RAF1: variants seen among roughly 807,000 people sequenced by gnomAD.
RAF1 encodes the protein Raf-1 proto-oncogene, serine/threonine kinase, also known as RAF proto-oncogene serine/threonine-protein kinase.
RAF1 carries 27 observed loss-of-function variants against 81.1 expected under a neutral mutation model. The ratio of observed to expected loss-of-function variants is 0.33; its 90% CI spans 0.25 to 0.46. The LOEUF is 0.46. RAF1 is among the 20% of genes least tolerant of loss of function. RAF1 has a pLI of 1.00. For missense variants in RAF1, 598 were observed against 826.0 expected (o/e 0.72, Z 3.38); for synonymous variants, 298 against 294.0 (o/e 1.01, Z -0.14).
At chr3:12,585,089 G>A (rs765872629) in intron 16 of RAF1, 33 bp downstream of exon 15, 11 of 1,614,102 alleles carry the variant, frequency 6.8e-6, no homozygotes, top group East Asian at 6.7e-5. Flanking sequence ...GGGCTCCCAC[G>A]AGTTGGGTCC....
rs571957943 is a variant in RAF1 at position 12,626,327 on chromosome 3, C to G, written c.-26-7580G>C. On this transcript the variant is annotated intron_variant, in intron 1 of 17. Coordinates refer to ENST00000442415, the MANE Select transcript of RAF1 (RefSeq NM_001354689.3). ...ATGGGCTGGGCACCGTGGCTCTCAC[C>G]TGCAAATCCCAGGACTCTGGAAGGC... Among the ~76,000 whole-genome samples the G allele has an allele frequency of 2.6e-5, 4 of 151,268 alleles. No homozygotes were observed. The South Asian group carries it at 8.4e-4, about 32-fold the overall frequency.
At chr3:12,655,237 C>G (rs1159947714) in intron 1 of RAF1, among the ~76,000 whole-genome samples, 1 of 152,142 alleles carries the variant, frequency 6.6e-6, no homozygotes, top group African/African-American at 2.4e-5. Flanking sequence ...CATGCGCCAA[C>G]AAGCCCAGCG....
intron 1 of RAF1, among the ~76,000 whole-genome samples, chr3:12,655,552 A>T (rs554925442): frequency 2.0e-4 from 31 of 152,320 alleles, no homozygotes; most frequent in Non-Finnish European, 3.7e-4. Flanking sequence ...TTACCATATG[A>T]TCCAGTAATT....
At chr3:12,653,082 G>C (rs911520378) in intron 1 of RAF1, among the ~76,000 whole-genome samples, 2 of 152,110 alleles carry the variant, frequency 1.3e-5, no homozygotes, top group Non-Finnish European at 1.5e-5. Flanking sequence ...AGGAGTTTGA[G>C]ACCACCCTGG....
At chr3:12,588,425 G>A (rs1014358829) in intron 13 of RAF1, 2 of 152,174 alleles carry the variant, frequency 1.3e-5, no homozygotes, top group Non-Finnish European at 2.9e-5. Context: ...CACAAACCAA[G>A]AAGGTACAGC....
At chr3:12,628,812 T>A (rs1178372157) in intron 1 of RAF1, among the ~76,000 whole-genome samples, 1 of 146,090 alleles carries the variant, frequency 6.8e-6, no homozygotes, top group Non-Finnish European at 1.5e-5. Context: ...AGGGCAGTGG[T>A]GCAATCTTGG....
In RAF1 at chr3:12,583,710, A is replaced by G. The variant is rs2058214664; in HGVS notation, c.*804T>C. 4.3e-6 allele frequency: 1 copy of G among 233,462 alleles called. No individual in the cohort carries two copies. The highest frequency in any genetic ancestry group is 8.5e-6 in the Non-Finnish European group (1 of 118,036). 14.5% of individuals were successfully genotyped at this position (233,462 alleles called of 1,614,324 possible). A position where few individuals can be genotyped will look rare whatever the true frequency, so the allele number is the denominator to read the frequency against. ...CAAAATTAAAACCCAAATCATCAAG[A>G]AAACCTGTATTCCTGGCTTCCTTGT... On this transcript the variant is annotated 3_prime_UTR_variant, in exon 18 of 18. Coordinates refer to ENST00000442415, the MANE Select transcript of RAF1 (RefSeq NM_001354689.3).
At chr3:12,584,710 T>A (rs1326636382) in intron 17 of RAF1, 53 bp from the exon 17 acceptor site, 1 of 1,613,524 alleles carries the variant, frequency 6.2e-7, no homozygotes, top group African/African-American at 1.3e-5. Context: ...AGACACAGGA[T>A]GTACCCTGCC....
chr3:12,639,372 A>G (rs2060119906), intron 1 of RAF1, among the ~76,000 whole-genome samples: 1 of 152,136 alleles, frequency 6.6e-6, no homozygotes, highest in Non-Finnish European at 1.5e-5. Context: ...TTCTGGCCAG[A>G]GCAATCAGGC....
rs150460686 is a variant in RAF1 at position 12,584,110 on chromosome 3, C to T, written c.*404G>A. The T allele has an allele frequency of 3.8e-4, 124 of 327,868 alleles. No individual in the cohort carries two copies. In the East Asian group the frequency reaches 5.1e-3, roughly 14 times the overall value. 20.3% of individuals were successfully genotyped at this position (327,868 alleles called of 1,614,324 possible). A position where few individuals can be genotyped will look rare whatever the true frequency, so the allele number is the denominator to read the frequency against. On this transcript the variant is annotated 3_prime_UTR_variant, in exon 18 of 18. Coordinates refer to ENST00000442415, the MANE Select transcript of RAF1 (RefSeq NM_001354689.3). ...GTCCCGCCTGTGACATGCATTCCTC[C>T]AGAAGCTGATTTCCAAAATCCCATG...
intron 12 of RAF1, among the ~76,000 whole-genome samples, 195 bp downstream of exon 11, chr3:12,591,513 G>A (rs555720269): frequency 3.3e-5 from 5 of 152,258 alleles, no homozygotes; most frequent in African/African-American, 7.2e-5. Context: ...GGGGCTCTTC[G>A]AAAGGCTTGA....
intron 11 of RAF1, among the ~76,000 whole-genome samples, chr3:12,596,176 T>G (rs2442809): frequency 0.6 from 87,700 of 146,562 alleles, 27,009 homozygotes; most frequent in African/African-American, 0.72. Context: ...ACCTGGCCTA[T>G]AGAAAGAATT....
intron 11 of RAF1, among the ~76,000 whole-genome samples, chr3:12,596,922 G>A (rs1451449658): frequency 4.7e-5 from 7 of 148,486 alleles, no homozygotes; most frequent in South Asian, 4.2e-4. Context: ...TTTTTGAGAC[G>A]GAGTCTCGCT....
Position 12,584,992 on chromosome 3 carries a change from G to A in RAF1, c.1729-11C>T, listed in dbSNP as rs1351924314. On this transcript the variant is annotated splice_polypyrimidine_tract_variant and intron_variant, in intron 16 of 17. Coordinates refer to ENST00000442415, the MANE Select transcript of RAF1 (RefSeq NM_001354689.3). ...CACCATGAAGATGATCTAAGGGAAA[G>A]AAAACAGCTGAGCTAATGGGGGGTG... The A allele has an allele frequency of 3.7e-6, 6 of 1,614,022 alleles. No homozygotes were observed. The African/African-American group carries it at 4.0e-5, about 11-fold the overall frequency.
At chr3:12,617,589 G>T (rs900509292) in intron 2 of RAF1, among the ~76,000 whole-genome samples, 3 of 151,954 alleles carry the variant, frequency 2.0e-5, no homozygotes, top group Admixed American at 6.6e-5. Context: ...TAGAAAAATT[G>T]AAGTTTTGTT....
intron 1 of RAF1, among the ~76,000 whole-genome samples, chr3:12,640,580 A>C (rs192862068): frequency 0.017 from 2,662 of 152,326 alleles, 75 homozygotes; most frequent in African/African-American, 0.06. Flanking sequence ...GACACTTCTC[A>C]AAAGACATTC....
At chr3:12,622,683 T>C (rs1381085019) in intron 1 of RAF1, among the ~76,000 whole-genome samples, 1 of 152,216 alleles carries the variant, frequency 6.6e-6, no homozygotes, top group Non-Finnish European at 1.5e-5. Flanking sequence ...ACCTTCCTTC[T>C]GCTCCATAAG....
chr3:12,627,633 GTAGGTT>G (rs2059743627), intron 1 of RAF1, among the ~76,000 whole-genome samples: 1 of 152,106 alleles, frequency 6.6e-6, no homozygotes, highest in Non-Finnish European at 1.5e-5. Context: ...TCTGAGGGTG[GTAGGTT>G]CCCTAGGTTC....
chr3:12,632,342 G>A (rs1340929787), intron 1 of RAF1, among the ~76,000 whole-genome samples: 3 of 102,816 alleles, frequency 2.9e-5, no homozygotes, highest in Non-Finnish European at 2.0e-5. Flanking sequence ...AAAAAAAAAA[G>A]AGTAGGCTTG....
Sources: allele counts gnomAD v4.1 joint callset (sites outside exome capture counted in the v4.1 genomes callset), GRCh38; gene constraint gnomAD v4.1.1; transcripts MANE v1.5; gene names NCBI Gene and HGNC (gene_info 2026-07-23, HGNC 2026-07-21).